ZSWIM2: variants seen among roughly 807,000 people sequenced by gnomAD.
ZSWIM2 encodes zinc finger SWIM-type containing 2.
Under a neutral mutation model 48.4 loss-of-function variants are expected in ZSWIM2, and 38 were observed. That is an observed-to-expected ratio of 0.79 (90% CI 0.61 to 1.03). The LOEUF (loss-of-function observed/expected upper bound fraction) is 1.03. ZSWIM2 is among the 50% of genes least tolerant of loss of function. The probability of loss-of-function intolerance (pLI) is 0.00; values close to 1 mark genes in which losing one functional copy is unlikely to be tolerated. For missense variants in ZSWIM2, 776 were observed against 730.2 expected (o/e 1.06, Z -0.72); for synonymous variants, 240 against 251.3 (o/e 0.96, Z 0.42).
At chr2:186,842,916 T>G (rs1691930797) in intron 3 of ZSWIM2, among the ~76,000 whole-genome samples, 1 of 151,544 alleles carries the variant, frequency 6.6e-6, no homozygotes, top group African/African-American at 2.4e-5. Context: ...TATATACAGA[T>G]CAAATATTTC....
chr2:186,842,187 T>C (rs1402090896), intron 3 of ZSWIM2, among the ~76,000 whole-genome samples: 1 of 151,366 alleles, frequency 6.6e-6, no homozygotes, highest in Non-Finnish European at 1.5e-5. Flanking sequence ...ACAAGTAACA[T>C]TCCCTCCACA....
In ZSWIM2 at chr2:186,833,950, C is replaced by A. The variant is rs200253183; in HGVS notation, c.824G>T (p.Arg275Leu). ...CCHLSHTFTF[R>L]EKRNQKWRSL... ...GATTCAAGATGGATACTGTACCTCA[C>A]GAAATGTAAACGTGTGGGAAAGATG... The change falls in exon 6 of 9, where the codon CGT (arginine) becomes CTT (leucine). Residue 275 changes from arginine to leucine, a missense_variant. Coordinates refer to ENST00000295131, the MANE Select transcript of ZSWIM2 (RefSeq NM_182521.3). The A allele has an allele frequency of 6.2e-7, 1 of 1,612,176 alleles. No individual in the cohort carries two copies. Among genetic ancestry groups the A allele is most frequent in the South Asian group, 1.1e-5 (1 of 91,048 alleles).
At chr2:186,842,411 C>A (rs1691921736) in intron 3 of ZSWIM2, among the ~76,000 whole-genome samples, 1 of 151,168 alleles carries the variant, frequency 6.6e-6, no homozygotes, top group Admixed American at 6.6e-5. Context: ...CACAAAAAAT[C>A]TTTATTTCAG....
At chr2:186,848,927 G>C (rs774306780) in intron 1 of ZSWIM2, 39 bp downstream of exon 1, 2 of 1,611,786 alleles carry the variant, frequency 1.2e-6, no homozygotes, top group Admixed American at 1.7e-5. Flanking sequence ...TGGTGGGCGG[G>C]GATGATGGCC....
rs759060529 is a variant in ZSWIM2 at position 186,829,708 on chromosome 2, A to G, written c.1095+19T>C. The G allele has an allele frequency of 1.9e-6, 3 of 1,600,088 alleles. No homozygotes were observed. The Admixed American group carries it at 5.5e-5, about 29-fold the overall frequency. ...CTGACCCTACAGGGAAAGTAAAACTAAAATGATGTGACTTTTACCTTGTGA... is the reference window on the plus strand; with the variant it reads ...CTGACCCTACAGGGAAAGTAAAACTGAAATGATGTGACTTTTACCTTGTGA... On this transcript the variant is annotated intron_variant, in intron 8 of 8. Transcript: ENST00000295131.
chr2:186,829,389 T>C (rs181446532), intron 8 of ZSWIM2, among the ~76,000 whole-genome samples: 1 of 152,316 alleles, frequency 6.6e-6, no homozygotes, highest in East Asian at 1.9e-4. Context: ...CTGTTTCATC[T>C]TAAGAATCAT....
chr2:186,837,617 T>C (rs912606847), intron 4 of ZSWIM2, 63 bp from the exon 5 acceptor site: 4 of 428,008 alleles, frequency 9.3e-6, no homozygotes, highest in South Asian at 7.7e-5. Context: ...CCATTGTATA[T>C]ATATATATAT....
At chr2:186,829,306 A>C (rs1055330721) in intron 8 of ZSWIM2, among the ~76,000 whole-genome samples, 10 of 152,198 alleles carry the variant, frequency 6.6e-5, no homozygotes, top group African/African-American at 2.2e-4. Context: ...TATCAATTAT[A>C]TAGTGATCAA....
Position 186,827,552 on chromosome 2 carries a change from G to GT in ZSWIM2, c.*431_*432insA, listed in dbSNP as rs1436514303. Among the ~76,000 whole-genome samples the GT allele has an allele frequency of 7.1e-6, 1 of 140,714 alleles. No homozygotes were observed. Among genetic ancestry groups the GT allele is most frequent in the Non-Finnish European group, 1.6e-5 (1 of 61,756 alleles). 92.3% of individuals were successfully genotyped at this position (140,714 alleles called of 152,430 possible). A position where few individuals can be genotyped will look rare whatever the true frequency, so the allele number is the denominator to read the frequency against. On this transcript the variant is annotated 3_prime_UTR_variant, in exon 9 of 9. Transcript: ENST00000295131. Reference sequence around the variant, plus strand: ...AAAACTCCTTTATGGAGTTTTTTAAGGTTTTTTTTTATAGGTTTGTGGTAA... The same window carrying GT: ...AAAACTCCTTTATGGAGTTTTTTAAGTGTTTTTTTTTATAGGTTTGTGGTAA...
rs1187711168 is a variant in ZSWIM2 at position 186,828,177 on chromosome 2, G to T, written c.1709C>A (p.Ser570Ter). 1 of 1,613,392 alleles carries T rather than the reference G, an allele frequency of 6.2e-7. No homozygotes were observed. The highest frequency in any genetic ancestry group is 1.7e-5 in the Admixed American group (1 of 59,884). The change falls in exon 9 of 9, where the codon TCA becomes TAA. Residue 570 changes from serine (S) to a stop codon, truncating the protein, a stop_gained. Coordinates refer to ENST00000295131, the MANE Select transcript of ZSWIM2 (RefSeq NM_182521.3). LOFTEE classifies it low-confidence loss of function (END_TRUNC). Reference sequence around the variant, plus strand: ...ATTGAAATCCTCTGGAAGTAAAGTTGATCTCTTGTTGTCCTCTCTTATTTT... The same window carrying T: ...ATTGAAATCCTCTGGAAGTAAAGTTTATCTCTTGTTGTCCTCTCTTATTTT... ...ATKIREDNKR[S>*]TLLPEDFNLI...
chr2:186,833,218 T>C lies in ZSWIM2; in HGVS notation c.843A>G (p.Lys281=). 1.3e-6 allele frequency: 2 copies of C among 1,529,730 alleles called. No individual in the cohort carries two copies. Among genetic ancestry groups the C allele is most frequent in the Middle Eastern group, 1.7e-4 (1 of 5,880 alleles). 94.8% of individuals were successfully genotyped at this position (1,529,730 alleles called of 1,614,324 possible). The change falls in exon 7 of 9, where the codon AAA becomes AAG. Residue 281 remains lysine (K), a synonymous_variant. Transcript: ENST00000295131. ...TFTFREKRNQ[K]WRSLEKRADE... Reference sequence around the variant, plus strand: ...CTGCTCTTTTTTCTAGTGATCTCCATTTTTGGTTTCTTTTCTGTAATAGGT... The same window carrying C: ...CTGCTCTTTTTTCTAGTGATCTCCACTTTTGGTTTCTTTTCTGTAATAGGT...
At chr2:186,848,368 C>T (rs900358904) in intron 1 of ZSWIM2, among the ~76,000 whole-genome samples, 45 of 151,994 alleles carry the variant, frequency 3.0e-4, no homozygotes, top group African/African-American at 1.1e-3. Context: ...AAGTCAACTC[C>T]TAGGAGGTAG....
chr2:186,840,372 A>G (rs1320855047), intron 3 of ZSWIM2, among the ~76,000 whole-genome samples: 1 of 151,742 alleles, frequency 6.6e-6, no homozygotes, highest in Non-Finnish European at 1.5e-5. Flanking sequence ...GGAAAATAAA[A>G]GGAAGAAACA....
chr2:186,829,022 A>T (rs1438186044), intron 8 of ZSWIM2, among the ~76,000 whole-genome samples: 1 of 152,100 alleles, frequency 6.6e-6, no homozygotes, highest in East Asian at 1.9e-4. Context: ...TATGGATAGC[A>T]TTTGTAATTT....
At chr2:186,844,440 C>T (rs56201830) in intron 3 of ZSWIM2, among the ~76,000 whole-genome samples, 37,158 of 151,200 alleles carry the variant, frequency 0.25, 5,214 homozygotes, top group Non-Finnish European at 0.31. Context: ...TCTTAGAATA[C>T]ATAAATGTTT....
intron 2 of ZSWIM2, among the ~76,000 whole-genome samples, chr2:186,845,000 C>CAG (rs989355073): frequency 6.6e-6 from 1 of 151,324 alleles, no homozygotes; most frequent in South Asian, 2.1e-4. Context: ...AGAGATTTGT[C>CAG]AGAGAGAGTC....
intron 3 of ZSWIM2, 138 bp downstream of exon 3, chr2:186,844,579 G>C (rs1407581275): frequency 8.9e-6 from 7 of 789,780 alleles, no homozygotes; most frequent in Non-Finnish European, 1.4e-5. Flanking sequence ...TTAAGAAGCT[G>C]AGCTACTGAT....
intron 3 of ZSWIM2, among the ~76,000 whole-genome samples, chr2:186,844,111 A>G (rs537776530): frequency 1.1e-4 from 17 of 151,774 alleles, no homozygotes; most frequent in Admixed American, 5.3e-4. Context: ...TAACCCTTTG[A>G]CAATGACAGT....
rs1691621102 is a variant in ZSWIM2, at chr2:186,827,687, A to C, written c.*297T>G. ...AAAACAGTGACTCAAAGTAGGAAAA[A>C]TCTATTTCCTTAATTTAAGTAAAAC... On this transcript the variant is annotated 3_prime_UTR_variant, in exon 9 of 9. Transcript: ENST00000295131. The C allele has an allele frequency of 5.7e-6, 1 of 175,328 alleles. No homozygotes were observed. Among genetic ancestry groups the C allele is most frequent in the African/African-American group, 2.4e-5 (1 of 42,358 alleles). The allele number at this position is 175,328 out of a possible 1,614,324, so 10.9% of individuals were successfully genotyped here.
Sources: allele counts gnomAD v4.1 joint callset (sites outside exome capture counted in the v4.1 genomes callset), GRCh38; gene constraint gnomAD v4.1.1; transcripts MANE v1.5; gene names NCBI Gene and HGNC (gene_info 2026-07-23, HGNC 2026-07-21).